Variants in RANBP2 observed in about 807,000 individuals in gnomAD.
RANBP2 encodes RAN binding protein 2.
Under a neutral mutation model 303.6 loss-of-function variants are expected in RANBP2, and 57 were observed. The observed-to-expected ratio is 0.19, with a 90% CI of 0.15 to 0.23. RANBP2 has a LOEUF of 0.23. RANBP2 is among the 10% of genes least tolerant of loss of function. The pLI is 1.00. For missense variants in RANBP2, 3,138 were observed against 3,780.8 expected (o/e 0.83, Z 4.46); for synonymous variants, 1,167 against 1,301.5 (o/e 0.90, Z 2.23).
the RANBP2 span, among the ~76,000 whole-genome samples, chr2:108,804,663 T>G: frequency 6.6e-6 from 1 of 152,212 alleles, no homozygotes. Context: ...AATGCTAATA[T>G]GTTTTAATAA....
the RANBP2 span, among the ~76,000 whole-genome samples, chr2:108,949,883 C>A: frequency 5.3e-5 from 8 of 152,200 alleles, no homozygotes; most frequent in African/African-American, 1.9e-4. Context: ...GTAATATGTC[C>A]CTTCCAAATC....
At chr2:109,404,518 G>A in the RANBP2 span, among the ~76,000 whole-genome samples, 13 of 152,238 alleles carry the variant, frequency 8.5e-5, no homozygotes, top group East Asian at 1.6e-3. Flanking sequence ...AAGTTTTGCC[G>A]GGCCTAGGCT....
chr2:109,016,330 G>C, the RANBP2 span, among the ~76,000 whole-genome samples: 1 of 151,856 alleles, frequency 6.6e-6, no homozygotes, highest in Non-Finnish European at 1.5e-5. Flanking sequence ...CCTCACGTCT[G>C]CCTGCCTCGG....
intron 7 of RANBP2, among the ~76,000 whole-genome samples, chr2:108,744,014 T>C (rs942278919): frequency 3.9e-5 from 6 of 152,214 alleles, no homozygotes; most frequent in African/African-American, 1.4e-4. Context: ...TATGGCAAGA[T>C]TTTCAGACTC....
chr2:109,550,609 C>T, the RANBP2 span, among the ~76,000 whole-genome samples: 108 of 152,214 alleles, frequency 7.1e-4, 1 homozygote, highest in African/African-American at 2.5e-3. Flanking sequence ...CCACCACGCC[C>T]GGCCCCATTT....
the RANBP2 span, among the ~76,000 whole-genome samples, chr2:109,249,569 TTCCTTCCTTCCTTC>T: frequency 6.3e-4 from 88 of 138,838 alleles, 1 homozygote; most frequent in South Asian, 1.4e-3. Flanking sequence ...CCTTCCTTCC[TTCCTTCCTTCCTTC>T]CTTTCCTTTC....
At chr2:109,271,345 GA>G in the RANBP2 span, among the ~76,000 whole-genome samples, 2 of 152,196 alleles carry the variant, frequency 1.3e-5, no homozygotes, top group African/African-American at 4.8e-5. Flanking sequence ...CTCCCAGGAG[GA>G]ACCTAGAGGG....
At chr2:109,011,558 G>C in the RANBP2 span, among the ~76,000 whole-genome samples, 1 of 152,116 alleles carries the variant, frequency 6.6e-6, no homozygotes, top group Non-Finnish European at 1.5e-5. Flanking sequence ...TGTGTTGGGC[G>C]CTCAGTGGGC....
At chr2:109,176,858 A>T in the RANBP2 span, among the ~76,000 whole-genome samples, 1 of 152,184 alleles carries the variant, frequency 6.6e-6, no homozygotes, top group African/African-American at 2.4e-5. Flanking sequence ...TCAGCCCATG[A>T]TGTGTATTTA....
the RANBP2 span, among the ~76,000 whole-genome samples, chr2:109,401,067 C>T: frequency 6.6e-6 from 1 of 152,150 alleles, no homozygotes; most frequent in Non-Finnish European, 1.5e-5. Context: ...GGGGGTAAAG[C>T]CACAAGCAGT....
chr2:109,613,706 G>A, the RANBP2 span: 1 of 880,178 alleles, frequency 1.1e-6, no homozygotes, highest in Non-Finnish European at 1.5e-6. Flanking sequence ...TCACAATCCC[G>A]GGCCGGACCA....
At chr2:109,478,240 C>T in the RANBP2 span, among the ~76,000 whole-genome samples, 3 of 152,210 alleles carry the variant, frequency 2.0e-5, no homozygotes, top group African/African-American at 7.2e-5. Context: ...TTTTTCATTC[C>T]TTCTCTCTCT....
chr2:109,421,762 G>T, the RANBP2 span, among the ~76,000 whole-genome samples: 1 of 152,238 alleles, frequency 6.6e-6, no homozygotes, highest in South Asian at 2.1e-4. Flanking sequence ...GATTTAGGTA[G>T]GAATGTGTCT....
At chr2:109,242,374 G>A in the RANBP2 span, among the ~76,000 whole-genome samples, 1 of 152,180 alleles carries the variant, frequency 6.6e-6, no homozygotes, top group Non-Finnish European at 1.5e-5. Context: ...CTTGTCTCCT[G>A]TCTGTGTCGT....
At chr2:109,544,323 A>G in the RANBP2 span, 2 of 1,588,102 alleles carry the variant, frequency 1.3e-6, no homozygotes, top group South Asian at 1.2e-5. Flanking sequence ...AAAAAATTGG[A>G]GCTGGAAAGA....
chr2:109,288,884 A>G, the RANBP2 span, among the ~76,000 whole-genome samples: 27 of 152,354 alleles, frequency 1.8e-4, 1 homozygote, highest in South Asian at 5.6e-3. Context: ...CCGTAAAGAA[A>G]GCGGCACCAG....
chr2:109,052,528 C>A, the RANBP2 span, among the ~76,000 whole-genome samples: 7 of 152,158 alleles, frequency 4.6e-5, no homozygotes, highest in African/African-American at 1.4e-4. Context: ...ATTCTTAATT[C>A]TAAATGTCTT....
the RANBP2 span, among the ~76,000 whole-genome samples, chr2:109,208,004 G>T: frequency 6.6e-6 from 1 of 152,144 alleles, no homozygotes; most frequent in Admixed American, 6.5e-5. Context: ...ATTCTGGTGA[G>T]ATTTAAAAGA....
the RANBP2 span, among the ~76,000 whole-genome samples, chr2:109,284,500 G>T: frequency 6.6e-6 from 1 of 152,126 alleles, no homozygotes; most frequent in Non-Finnish European, 1.5e-5. Context: ...CTCTCCTCTC[G>T]TCCAGCCTTG....
Sources: gnomAD v4.1 joint callset for allele counts (sites outside exome capture counted in the v4.1 genomes callset) on GRCh38, gnomAD v4.1.1 for gene constraint, MANE v1.5 for transcripts, NCBI Gene and HGNC (gene_info 2026-07-23, HGNC 2026-07-21) for gene names.